Variants in AGL observed in about 807,000 individuals in gnomAD.
AGL encodes glycogen debranching enzyme.
A neutral mutation model predicts 199.3 loss-of-function variants in AGL; 128 were observed. That is an observed-to-expected ratio of 0.64 (90% CI 0.56 to 0.74). The LOEUF is 0.74. AGL is among the 30% of genes least tolerant of loss of function. The pLI is 0.00. For synonymous variants in AGL, 584 were observed against 594.7 expected (o/e 0.98, Z 0.26); for missense variants, 1,809 against 1,820.8 (o/e 0.99, Z 0.12).
At chr1:99,913,871 G>A in intron 30 of AGL, 133 bp downstream of exon 30, 1 of 864,742 alleles carries the variant, frequency 1.2e-6, no homozygotes, top group Non-Finnish European at 1.9e-6. Context: ...GTTTTAAATA[G>A]TCTTTCCTAA....
intron 2 of AGL, among the ~76,000 whole-genome samples, chr1:99,851,527 G>T (rs550911302): frequency 6.6e-6 from 1 of 152,102 alleles, no homozygotes. Context: ...TTCCTTTGTT[G>T]AACCTTTGAA....
chr1:99,877,772 T>A lies in AGL; in HGVS notation c.1555T>A (p.Tyr519Asn). The change falls in exon 12 of 34, where the codon TAT becomes AAT. Residue 519 changes from tyrosine (Y) to asparagine (N), a missense_variant. Physicochemically the swap from Tyr to Asn is moderately radical, Grantham distance 143 (BLOSUM62 -2). Coordinates refer to ENST00000361915, the MANE Select transcript of AGL (RefSeq NM_000642.3). ...AAAATACACTGAAATAACTGCAACT[T>A]ATTTCCAGGGAGTACGTCTTGATAA... is the stretch of plus-strand genomic sequence containing the variant. ...MKKYTEITAT[Y>N]FQGVRLDNCH... 6 of 1,614,098 alleles carry A rather than the reference T, an allele frequency of 3.7e-6. No individual in the cohort carries two copies. Among genetic ancestry groups the A allele is most frequent in the Non-Finnish European group, 5.1e-6 (6 of 1,179,984 alleles).
intron 2 of AGL, among the ~76,000 whole-genome samples, chr1:99,852,954 T>G (rs1192979383): frequency 6.6e-6 from 1 of 152,170 alleles, no homozygotes; most frequent in Non-Finnish European, 1.5e-5. Context: ...TCTCGATCCT[T>G]TATTTCTCAG....
rs756393699 is a variant in AGL, at chr1:99,913,533, C to T, written c.3956C>T (p.Ala1319Val). The change falls in exon 30 of 34, where the codon GCT becomes GTT. Residue 1319 changes from alanine (A) to valine (V), a missense_variant. Coordinates refer to ENST00000361915, the MANE Select transcript of AGL (RefSeq NM_000642.3). ...HEVTVKRHGK[A>V]IKVSYDEWNR... ...GTCTTATGTCATTTTTCAGGAAAGG[C>T]TATAAAGGTCTCATATGATGAGTGG... The T allele has an allele frequency of 6.2e-7, 1 of 1,611,874 alleles. No individual in the cohort carries two copies. Among genetic ancestry groups the T allele is most frequent in the Non-Finnish European group, 8.5e-7 (1 of 1,178,338 alleles).
At chr1:99,903,018 A>G (rs1402312831) in intron 27 of AGL, among the ~76,000 whole-genome samples, 2 of 152,230 alleles carry the variant, frequency 1.3e-5, no homozygotes. Context: ...TTCATTTATA[A>G]CTATAATAAT....
intron 33 of AGL, among the ~76,000 whole-genome samples, chr1:99,917,312 A>G (rs1655197137): frequency 6.6e-6 from 1 of 152,146 alleles, no homozygotes; most frequent in African/African-American, 2.4e-5. Context: ...TAATGAATAA[A>G]CAGCACAAAT....
At chr1:99,867,333 G>A (rs970081880) in intron 5 of AGL, among the ~76,000 whole-genome samples, 14 of 152,098 alleles carry the variant, frequency 9.2e-5, no homozygotes, top group African/African-American at 3.1e-4. Flanking sequence ...GGAGTCCTTG[G>A]TGATTGAACC....
chr1:99,880,536 T>G (rs1172542093), intron 13 of AGL, 96 bp from the exon 14 acceptor site: 1 of 1,327,658 alleles, frequency 7.5e-7, no homozygotes, highest in Non-Finnish European at 1.1e-6. Context: ...AATATTGATG[T>G]GGTCTTTATT....
At chr1:99,860,305 CCT>C (rs1383788992) in intron 2 of AGL, among the ~76,000 whole-genome samples, 2 of 151,380 alleles carry the variant, frequency 1.3e-5, no homozygotes, top group African/African-American at 4.8e-5. Flanking sequence ...TAGTTTTTTT[CCT>C]CTCAAAGAAA....
chr1:99,872,320 G>A (rs533214840), intron 7 of AGL, among the ~76,000 whole-genome samples: 93 of 152,044 alleles, frequency 6.1e-4, no homozygotes, highest in Non-Finnish European at 1.1e-3. Flanking sequence ...ATACATCCCC[G>A]TACACCTTAT....
intron 17 of AGL, among the ~76,000 whole-genome samples, chr1:99,882,606 A>G (rs1292698457): frequency 1.3e-5 from 2 of 152,208 alleles, no homozygotes; most frequent in Non-Finnish European, 2.9e-5. Flanking sequence ...TGTAGCAATT[A>G]TAGTCTCTAT....
intron 27 of AGL, among the ~76,000 whole-genome samples, chr1:99,904,542 G>A (rs757368293): frequency 3.3e-5 from 5 of 151,984 alleles, no homozygotes; most frequent in Non-Finnish European, 5.9e-5. Context: ...TGTAGCCACT[G>A]CCATAATCAA....
At chr1:99,853,897 C>T (rs1557739445) in intron 2 of AGL, among the ~76,000 whole-genome samples, 1 of 145,328 alleles carries the variant, frequency 6.9e-6, no homozygotes, top group Non-Finnish European at 1.5e-5. Flanking sequence ...CTTTAAAAAA[C>T]AAAAATAAAG....
intron 27 of AGL, 31 bp downstream of exon 27, chr1:99,902,825 T>G (rs1653950384): frequency 3.3e-6 from 5 of 1,515,972 alleles, no homozygotes; most frequent in Middle Eastern, 1.7e-4. Flanking sequence ...TAGTACAAAT[T>G]TATCAAGGTG....
rs1159839735 is a variant in AGL at position 99,851,172 on chromosome 1, T to C, written c.82+48T>C. 2.7e-6 allele frequency: 4 copies of C among 1,469,742 alleles called. No individual in the cohort carries two copies. In the Admixed American group the frequency reaches 5.0e-5, roughly 18 times the overall value. The allele number at this position is 1,469,742 out of a possible 1,614,324, so 91.0% of individuals were successfully genotyped here. A position where few individuals can be genotyped will look rare whatever the true frequency, so the allele number is the denominator to read the frequency against. ...TTGCTCATTTGCGTCTTTTAAACTTTTAATTCATTGGCAGTCCTGTTAAAT... is the reference window on the plus strand; with the variant it reads ...TTGCTCATTTGCGTCTTTTAAACTTCTAATTCATTGGCAGTCCTGTTAAAT... On this transcript the variant is annotated intron_variant, in intron 2 of 33. Coordinates refer to ENST00000361915, the MANE Select transcript of AGL (RefSeq NM_000642.3).
intron 7 of AGL, among the ~76,000 whole-genome samples, chr1:99,871,605 A>G (rs1327455676): frequency 6.6e-6 from 1 of 152,202 alleles, no homozygotes; most frequent in Non-Finnish European, 1.5e-5. Context: ...TAGGACTCAG[A>G]AATAGTGCCT....
intron 27 of AGL, among the ~76,000 whole-genome samples, chr1:99,905,639 A>G (rs1331525142): frequency 6.6e-6 from 1 of 152,188 alleles, no homozygotes; most frequent in Non-Finnish European, 1.5e-5. Context: ...GCAGTGGTGC[A>G]TCATAGCTCA....
intron 21 of AGL, among the ~76,000 whole-genome samples, chr1:99,889,684 T>G (rs1652731084): frequency 1.3e-5 from 2 of 152,232 alleles, no homozygotes; most frequent in Non-Finnish European, 2.9e-5. Context: ...GTTAAACTAC[T>G]TCTAGTTCAC....
At chr1:99,878,755 A>T (rs1047171038) in intron 12 of AGL, among the ~76,000 whole-genome samples, 2 of 152,132 alleles carry the variant, frequency 1.3e-5, no homozygotes, top group Non-Finnish European at 2.9e-5. Context: ...TTCAAGTCCT[A>T]TGATGAAAAA....
Sources: allele counts gnomAD v4.1 joint callset (sites outside exome capture counted in the v4.1 genomes callset), GRCh38; gene constraint gnomAD v4.1.1; transcripts MANE v1.5; gene names NCBI Gene and HGNC (gene_info 2026-07-23, HGNC 2026-07-21).